The following EPHA6 variants were observed in gnomAD, a reference collection of about 807,000 sequenced individuals.
EPHA6 encodes ephrin type-A receptor 6.
Under a neutral mutation model 112.0 loss-of-function variants are expected in EPHA6, and 50 were observed. The observed-to-expected ratio is 0.45, with a 90% CI of 0.36 to 0.56. The LOEUF (loss-of-function observed/expected upper bound fraction) is 0.56, where lower values mean the gene tolerates loss of function less well. Among genes scored for constraint, EPHA6 ranks in the 20% least tolerant of loss-of-function variants. The pLI is 0.00. For missense variants in EPHA6, 1,280 were observed against 1,417.4 expected, an observed-to-expected ratio of 0.90 and a Z score of 1.56; for synonymous variants, 529 against 490.7, an observed-to-expected ratio of 1.08 and a Z score of -1.03.
At chr3:97,467,061 T>C (rs781071226) in intron 7 of EPHA6, among the ~76,000 whole-genome samples, 6 of 151,866 alleles carry the variant, frequency 4.0e-5, no homozygotes, top group Non-Finnish European at 8.8e-5. Flanking sequence ...ACCTCCATTC[T>C]AGCACCAATG....
intron 11 of EPHA6, among the ~76,000 whole-genome samples, chr3:97,572,116 C>G (rs1011286245): frequency 6.6e-6 from 1 of 151,598 alleles, no homozygotes; most frequent in African/African-American, 2.4e-5. Context: ...CTGATTAATG[C>G]CAGTGTCAAC....
chr3:97,483,796 G>A, intron 9 of EPHA6, 138 bp from the exon 10 acceptor site: 1 of 889,638 alleles, frequency 1.1e-6, no homozygotes, highest in Non-Finnish European at 1.5e-6. Context: ...TTTAATATGG[G>A]ACAGGAAGAA....
intron 3 of EPHA6, among the ~76,000 whole-genome samples, chr3:97,120,439 G>A (rs2048010411): frequency 6.6e-6 from 1 of 151,646 alleles, no homozygotes; most frequent in African/African-American, 2.4e-5. Flanking sequence ...ACATTTGCAT[G>A]ATTAGGGAAG....
chr3:96,844,469 T>C (rs1272324880), intron 1 of EPHA6, among the ~76,000 whole-genome samples: 3 of 152,152 alleles, frequency 2.0e-5, no homozygotes, highest in East Asian at 1.9e-4. Context: ...CTAATAATTA[T>C]GCTCTTTCAC....
intron 15 of EPHA6, among the ~76,000 whole-genome samples, chr3:97,730,401 C>T (rs1343728477): frequency 6.6e-6 from 1 of 152,024 alleles, no homozygotes; most frequent in Non-Finnish European, 1.5e-5. Context: ...AATGTAATTC[C>T]TTCTAACTTT....
intron 1 of EPHA6, among the ~76,000 whole-genome samples, chr3:96,833,921 ATAAAAT>A (rs1387472874): frequency 6.6e-6 from 1 of 152,020 alleles, no homozygotes; most frequent in Non-Finnish European, 1.5e-5. Flanking sequence ...TGTACCCCTA[ATAAAAT>A]TAAAAATTAA....
intron 5 of EPHA6, among the ~76,000 whole-genome samples, chr3:97,300,221 C>G (rs1009410927): frequency 9.2e-5 from 14 of 152,114 alleles, no homozygotes; most frequent in Non-Finnish European, 1.5e-4. Context: ...CCAAGAATTG[C>G]TCAGATCTTC....
intron 3 of EPHA6, among the ~76,000 whole-genome samples, chr3:97,118,753 C>T (rs1280976365): frequency 2.0e-5 from 3 of 151,904 alleles, no homozygotes; most frequent in African/African-American, 2.4e-5. Context: ...TCAATTTTTG[C>T]ATCTGTAAAT....
chr3:97,676,590 T>C (rs1481681484), intron 14 of EPHA6, among the ~76,000 whole-genome samples: 2 of 152,116 alleles, frequency 1.3e-5, no homozygotes. Context: ...CAGCAAAACT[T>C]TTTTAAAGGC....
chr3:97,462,019 A>G (rs563258392), intron 7 of EPHA6, among the ~76,000 whole-genome samples: 5 of 152,174 alleles, frequency 3.3e-5, no homozygotes, highest in Non-Finnish European at 7.3e-5. Flanking sequence ...CACTTAACAC[A>G]TCAAATGTCT....
At chr3:97,662,711 T>C (rs1389394790) in intron 14 of EPHA6, among the ~76,000 whole-genome samples, 1 of 152,234 alleles carries the variant, frequency 6.6e-6, no homozygotes, top group Non-Finnish European at 1.5e-5. Flanking sequence ...TAGCATCTAC[T>C]GTTAACAAGT....
chr3:97,068,192 T>C (rs1191644565), intron 3 of EPHA6, among the ~76,000 whole-genome samples: 1 of 142,472 alleles, frequency 7.0e-6, no homozygotes, highest in Non-Finnish European at 1.5e-5. Context: ...GAGTCAGGGA[T>C]AAAGAATCAT....
Position 97,056,692 on chromosome 3 carries a change from A to C in EPHA6, c.1114+68699A>C, listed in dbSNP as rs144552431. 3.5e-3 allele frequency among the ~76,000 whole-genome samples: 539 copies of C among 152,326 alleles called. 4 individuals carry two copies. The highest frequency in any genetic ancestry group is 0.012 in the African/African-American group (513 of 41,582). ...GTAGTGCATATGAATATAAAATAGT[A>C]GAAGTGTTTTAACATAGTGGTTGAG... On this transcript the variant is annotated intron_variant, in intron 3 of 17. Coordinates refer to ENST00000389672, the MANE Select transcript of EPHA6 (RefSeq NM_001080448.3).
intron 13 of EPHA6, among the ~76,000 whole-genome samples, chr3:97,620,487 A>T (rs763229087): frequency 4.6e-5 from 7 of 152,262 alleles, no homozygotes; most frequent in Non-Finnish European, 7.4e-5. Flanking sequence ...GACAACCTAC[A>T]GAATGGGAGA....
chr3:97,476,416 G>A (rs2091370449), intron 8 of EPHA6, among the ~76,000 whole-genome samples: 1 of 152,050 alleles, frequency 6.6e-6, no homozygotes, highest in Non-Finnish European at 1.5e-5. Flanking sequence ...TCCAGCTAAA[G>A]TACACCAACC....
At position 97,729,629 on chromosome 3, in the gene EPHA6, G is replaced by A. The variant is rs565537800; in HGVS notation, c.2935-6296G>A. Among the ~76,000 whole-genome samples the A allele has an allele frequency of 3.4e-4, 52 of 152,140 alleles. No homozygotes were observed. The Middle Eastern group carries it at 0.01, about 30-fold the overall frequency. On this transcript the variant is annotated intron_variant, in intron 15 of 17. Coordinates refer to ENST00000389672, the MANE Select transcript of EPHA6 (RefSeq NM_001080448.3). Reference sequence around the variant, plus strand: ...CAAGATGAGATTTGGGTGGGGACACGGCCAAGCCATATCAGAAAGTATAAA... The same window carrying A: ...CAAGATGAGATTTGGGTGGGGACACAGCCAAGCCATATCAGAAAGTATAAA...
intron 3 of EPHA6, among the ~76,000 whole-genome samples, chr3:97,104,403 CAT>C (rs1276819089): frequency 1.3e-5 from 2 of 152,020 alleles, no homozygotes; most frequent in African/African-American, 4.8e-5. Context: ...TTGAGATAAT[CAT>C]GTGGTTTTTT....
At chr3:96,989,122 G>A (rs546200377) in intron 3 of EPHA6, among the ~76,000 whole-genome samples, 2 of 152,018 alleles carry the variant, frequency 1.3e-5, no homozygotes, top group Non-Finnish European at 2.9e-5. Flanking sequence ...TGATTTCTTT[G>A]TTGATGTTAT....
At chr3:97,445,909 C>A (rs1327789099) in intron 6 of EPHA6, among the ~76,000 whole-genome samples, 1 of 152,060 alleles carries the variant, frequency 6.6e-6, no homozygotes, top group Non-Finnish European at 1.5e-5. Flanking sequence ...ATACAGCTAG[C>A]AATGCCATCA....
Sources: gnomAD v4.1 joint callset for allele counts (sites outside exome capture counted in the v4.1 genomes callset) on GRCh38, gnomAD v4.1.1 for gene constraint, MANE v1.5 for transcripts, NCBI Gene and HGNC (gene_info 2026-07-23, HGNC 2026-07-21) for gene names.